CCNY: variants seen among roughly 807,000 people sequenced by gnomAD.
CCNY encodes cyclin-Y.
CCNY carries 19 observed loss-of-function variants against 42.8 expected under a neutral mutation model. That is an observed-to-expected ratio of 0.44 (90% CI 0.31 to 0.65). The LOEUF (loss-of-function observed/expected upper bound fraction) is 0.65. Ranked by LOEUF, CCNY falls within the 30% of genes least tolerant of loss-of-function variation. The probability of loss-of-function intolerance (pLI) is 0.07; values close to 1 mark genes in which losing one functional copy is unlikely to be tolerated. For synonymous variants in CCNY, 165 were observed against 162.7 expected, an observed-to-expected ratio of 1.01 and a Z score of -0.11; for missense variants, 370 against 437.3, an observed-to-expected ratio of 0.85 and a Z score of 1.37.
chr10:35,281,173 C>T (rs1835295424), intron 3 of CCNY, among the ~76,000 whole-genome samples: 2 of 152,162 alleles, frequency 1.3e-5, no homozygotes, highest in Admixed American at 1.3e-4. Context: ...AAAACAGGCA[C>T]TCCTTTAAAA....
intron 1 of CCNY, among the ~76,000 whole-genome samples, chr10:35,341,773 G>A (rs924938213): frequency 3.3e-5 from 5 of 152,086 alleles, no homozygotes; most frequent in African/African-American, 1.2e-4. Context: ...ATAGGGTGAA[G>A]TACTGAAAAT....
chr10:35,490,559 C>G (rs1839875505), intron 2 of CCNY, among the ~76,000 whole-genome samples: 1 of 152,206 alleles, frequency 6.6e-6, no homozygotes, highest in Non-Finnish European at 1.5e-5. Context: ...TCGCTGCTCC[C>G]CGAGCTTTGC....
chr10:35,478,373 A>G (rs1839570855), intron 1 of CCNY, among the ~76,000 whole-genome samples: 2 of 151,970 alleles, frequency 1.3e-5, no homozygotes, highest in East Asian at 3.9e-4. Flanking sequence ...GCATCACACT[A>G]CCTGACTTCA....
At chr10:35,561,344 A>G (rs1841462759) in intron 8 of CCNY, among the ~76,000 whole-genome samples, 2 of 152,232 alleles carry the variant, frequency 1.3e-5, no homozygotes, top group Non-Finnish European at 1.5e-5. Context: ...GCATTTTTCT[A>G]TAATCCCATC....
chr10:35,531,267 A>G lies in CCNY; in HGVS notation c.579+1024A>G, dbSNP rs1300096312. Among the ~76,000 whole-genome samples, 4 of 152,206 alleles carry G rather than the reference A, an allele frequency of 2.6e-5. No individual in the cohort carries two copies. In the East Asian group the frequency reaches 7.7e-4, roughly 29 times the overall value. The stretch of plus-strand genomic sequence containing the variant: ...AATACCATTTCCTGTAGTTTCTGAG[A>G]AGAGACAATTGTCTAGTAGAAGCTT... On this transcript the variant is annotated intron_variant, in intron 7 of 9. Transcript: ENST00000374704.
chr10:35,406,871 C>G (rs533073745), intron 1 of CCNY, among the ~76,000 whole-genome samples: 4 of 151,838 alleles, frequency 2.6e-5, no homozygotes, highest in Non-Finnish European at 4.4e-5. Context: ...GACCCCCCCC[C>G]ACCTCCGTCC....
intron 1 of CCNY, among the ~76,000 whole-genome samples, chr10:35,460,004 T>G (rs1839122708): frequency 6.6e-6 from 1 of 152,180 alleles, no homozygotes; most frequent in Admixed American, 6.5e-5. Context: ...TCTGATAGCC[T>G]GGAAATCAGA....
chr10:35,406,349 T>C (rs1205571953), intron 1 of CCNY, among the ~76,000 whole-genome samples: 3 of 151,902 alleles, frequency 2.0e-5, no homozygotes, highest in Non-Finnish European at 2.9e-5. Flanking sequence ...CAAAGGTCTC[T>C]GGTTTTCCTA....
rs1841563765 is a variant in CCNY, at chr10:35,566,053, G to A, written c.777G>A (p.Leu259=). 3 of 1,613,992 alleles carry A rather than the reference G, an allele frequency of 1.9e-6. No homozygotes were observed. Among genetic ancestry groups the A allele is most frequent in the Non-Finnish European group, 2.5e-6 (3 of 1,179,990 alleles). ...MNELERQFLE[L]LQFNINVPSS... ...AGCTAGAGCGACAGTTTCTTGAATTGCTGCAGTTCAACATCAATGTTCCTT... is the reference window on the plus strand; with the variant it reads ...AGCTAGAGCGACAGTTTCTTGAATTACTGCAGTTCAACATCAATGTTCCTT... Residue 259 remains leucine, a synonymous_variant, in exon 9 of 10, where the codon TTG becomes TTA. Transcript: ENST00000374704.
chr10:35,474,089 G>A (rs1488355229), intron 1 of CCNY, among the ~76,000 whole-genome samples: 2 of 152,176 alleles, frequency 1.3e-5, no homozygotes, highest in African/African-American at 4.8e-5. Flanking sequence ...CTTTTCCAAC[G>A]GGCTTAAAAA....
chr10:35,337,411 G>C lies in CCNY; in HGVS notation c.154+204G>C, dbSNP rs185503590. Among the ~76,000 whole-genome samples the C allele has an allele frequency of 3.0e-3, 462 of 152,312 alleles. 1 individual carries two copies. The highest frequency in any genetic ancestry group is 5.2e-3 in the Non-Finnish European group (351 of 68,022). ...TGGTTACCCCCAAGTGAGCGGCCGC[G>C]GAAACTTTGCAGGCCCGCGGCATCG... On this transcript the variant is annotated intron_variant, in intron 1 of 9. Coordinates refer to ENST00000374704, the MANE Select transcript of CCNY (RefSeq NM_145012.6).
At chr10:35,550,970 A>G (rs976444964) in intron 7 of CCNY, among the ~76,000 whole-genome samples, 6 of 151,954 alleles carry the variant, frequency 3.9e-5, no homozygotes, top group Admixed American at 2.0e-4. Flanking sequence ...CATGTTCACT[A>G]CTTATGTGGC....
intron 1 of CCNY, among the ~76,000 whole-genome samples, chr10:35,428,000 A>G (rs1838305595): frequency 6.6e-6 from 1 of 152,226 alleles, no homozygotes; most frequent in African/African-American, 2.4e-5. Flanking sequence ...AAGATGAAGG[A>G]AAGTAAATTG....
At chr10:35,329,254 A>G (rs1835913689) in intron 3 of CCNY, among the ~76,000 whole-genome samples, 3 of 152,180 alleles carry the variant, frequency 2.0e-5, no homozygotes, top group Non-Finnish European at 4.4e-5. Flanking sequence ...ATTAGCATAT[A>G]AAAATGTTCA....
At chr10:35,354,858 T>C (rs1328190417) in intron 1 of CCNY, among the ~76,000 whole-genome samples, 1 of 137,890 alleles carries the variant, frequency 7.3e-6, no homozygotes, top group Non-Finnish European at 1.6e-5. Context: ...AGTATCTTAA[T>C]AGTAAATTCT....
chr10:35,492,935 C>T (rs542169645), intron 2 of CCNY, among the ~76,000 whole-genome samples: 4 of 152,196 alleles, frequency 2.6e-5, no homozygotes, highest in South Asian at 2.1e-4. Context: ...TCAGCATGAC[C>T]GTGCCACCCT....
At chr10:35,406,771 G>A (rs1158830101) in intron 1 of CCNY, among the ~76,000 whole-genome samples, 4 of 152,090 alleles carry the variant, frequency 2.6e-5, no homozygotes, top group South Asian at 2.1e-4. Context: ...GGTGGTGGCC[G>A]GGCAGAGGGG....
intron 1 of CCNY, among the ~76,000 whole-genome samples, chr10:35,407,739 G>C (rs1442598388): frequency 6.6e-6 from 1 of 152,048 alleles, no homozygotes; most frequent in African/African-American, 2.4e-5. Flanking sequence ...GTGGAAGGTT[G>C]CCCATAGTGA....
chr10:35,554,706 C>T (rs972646592), intron 8 of CCNY, among the ~76,000 whole-genome samples: 2 of 152,066 alleles, frequency 1.3e-5, no homozygotes, highest in Non-Finnish European at 2.9e-5. Flanking sequence ...GCACAGAGGG[C>T]CCCCCGACCA....
Sources: allele counts gnomAD v4.1 joint callset (sites outside exome capture counted in the v4.1 genomes callset), GRCh38; gene constraint gnomAD v4.1.1; transcripts MANE v1.5; gene names NCBI Gene and HGNC (gene_info 2026-07-23, HGNC 2026-07-21).